The following EML5 variants were observed in gnomAD, a reference collection of about 807,000 sequenced individuals.
The protein encoded by EML5 is echinoderm microtubule-associated protein-like 5.
A neutral mutation model predicts 250.0 loss-of-function variants in EML5; 120 were observed. That is an observed-to-expected ratio of 0.48 (90% CI 0.41 to 0.56). EML5 has a LOEUF of 0.56. EML5 is among the 20% of genes least tolerant of loss of function. EML5 has a pLI of 0.00. For synonymous variants in EML5, 771 were observed against 806.5 expected, an observed-to-expected ratio of 0.96 and a Z score of 0.75; for missense variants, 2,006 against 2,437.6, an observed-to-expected ratio of 0.82 and a Z score of 3.73.
At chr14:88,652,364 C>T (rs1283940656) in intron 27 of EML5, among the ~76,000 whole-genome samples, 1 of 152,132 alleles carries the variant, frequency 6.6e-6, no homozygotes, top group Non-Finnish European at 1.5e-5. Flanking sequence ...ACGCGGGGGT[C>T]AGTCAATTTA....
rs903749087 is a variant in EML5 at position 88,638,716 on chromosome 14, A to G, written c.4336+93T>C. 7 of 1,058,556 alleles carry G rather than the reference A, an allele frequency of 6.6e-6. No individual in the cohort carries two copies. The African/African-American group carries it at 9.7e-5, about 15-fold the overall frequency. 65.6% of individuals were successfully genotyped at this position (1,058,556 alleles called of 1,614,324 possible). A position where few individuals can be genotyped will look rare whatever the true frequency, so the allele number is the denominator to read the frequency against. Reference sequence around the variant, plus strand: ...TACATAGATTTTGAACAATCGATAAATCAATAAAATTTTGATTTTTTCCTT... The same window carrying G: ...TACATAGATTTTGAACAATCGATAAGTCAATAAAATTTTGATTTTTTCCTT... On this transcript the variant is annotated intron_variant, in intron 32 of 43. Transcript: ENST00000554922.
At chr14:88,661,570 A>G in intron 25 of EML5, 84 bp downstream of exon 25, 4 of 1,212,648 alleles carry the variant, frequency 3.3e-6, no homozygotes, top group South Asian at 1.6e-5. Flanking sequence ...TGTACAATTA[A>G]TAACAATGAA....
chr14:88,755,530 G>C (rs1029529145), intron 1 of EML5, among the ~76,000 whole-genome samples: 1 of 152,122 alleles, frequency 6.6e-6, no homozygotes, highest in Non-Finnish European at 1.5e-5. Context: ...CTAGCAGTTG[G>C]TAATAGTTTA....
chr14:88,649,385 T>C (rs991409915), intron 28 of EML5, among the ~76,000 whole-genome samples: 1 of 152,146 alleles, frequency 6.6e-6, no homozygotes, highest in East Asian at 1.9e-4. Flanking sequence ...TAAAACAGAC[T>C]AGCCATTTCC....
intron 10 of EML5, among the ~76,000 whole-genome samples, chr14:88,708,381 T>C (rs2093352404): frequency 6.6e-6 from 1 of 152,160 alleles, no homozygotes; most frequent in South Asian, 2.1e-4. Context: ...TATTTACTTG[T>C]TAACTCCTCC....
chr14:88,755,944 A>C (rs2094153124), intron 1 of EML5, among the ~76,000 whole-genome samples: 1 of 152,188 alleles, frequency 6.6e-6, no homozygotes, highest in Non-Finnish European at 1.5e-5. Flanking sequence ...GGAACCCAGG[A>C]GTTCAAGGCT....
intron 15 of EML5, 46 bp downstream of exon 15, chr14:88,696,801 G>C: frequency 1.5e-6 from 2 of 1,338,214 alleles, no homozygotes; most frequent in Non-Finnish European, 2.1e-6. Context: ...GCTATGTGTT[G>C]CCTCTGCATT....
At chr14:88,712,570 A>G in intron 9 of EML5, 87 bp from the exon 10 acceptor site, 1 of 1,043,414 alleles carries the variant, frequency 9.6e-7, no homozygotes, top group Non-Finnish European at 1.4e-6. Context: ...AGTAAATTCC[A>G]AAATTTAATG....
chr14:88,635,689 C>T (rs1325612542), intron 32 of EML5, among the ~76,000 whole-genome samples: 1 of 152,100 alleles, frequency 6.6e-6, no homozygotes, highest in Non-Finnish European at 1.5e-5. Flanking sequence ...CTCTTCCATC[C>T]CACACCACAA....
chr14:88,677,586 G>T (rs746074720), intron 21 of EML5, among the ~76,000 whole-genome samples: 1 of 152,116 alleles, frequency 6.6e-6, no homozygotes, highest in Non-Finnish European at 1.5e-5. Context: ...GAATCTACAA[G>T]GAACTTAAAC....
At chr14:88,783,090 G>GA (rs988411346) in intron 1 of EML5, among the ~76,000 whole-genome samples, 12 of 150,376 alleles carry the variant, frequency 8.0e-5, no homozygotes, top group Non-Finnish European at 1.3e-4. Flanking sequence ...CAAAAAAAAA[G>GA]AAAAAAAAAG....
In EML5 at chr14:88,792,194, C is replaced by G; in HGVS notation, c.197+113G>C. On this transcript the variant is annotated intron_variant, in intron 1 of 43. Transcript: ENST00000554922. The surrounding 1 kb of genome is among the most constrained non-coding windows in gnomAD (Gnocchi z 6.9). ...GGGACCAGAGAGACAGCTGCGGATT[C>G]CCCTCGGGGTGATGCTCCGTGCAGG... 5 of 1,284,726 alleles carry G rather than the reference C, an allele frequency of 3.9e-6. No homozygotes were observed. Among genetic ancestry groups the G allele is most frequent in the Non-Finnish European group, 5.3e-6 (5 of 947,966 alleles). The allele number at this position is 1,284,726 out of a possible 1,614,324, so 79.6% of individuals were successfully genotyped here.
chr14:88,745,593 T>A (rs1430375807), intron 3 of EML5, among the ~76,000 whole-genome samples: 2 of 152,158 alleles, frequency 1.3e-5, no homozygotes, highest in African/African-American at 4.8e-5. Flanking sequence ...TTAACCATAA[T>A]ACATATGTAA....
At position 88,662,339 on chromosome 14, in the gene EML5, G is replaced by GTTTTTTTT. The variant is rs71127000; in HGVS notation, c.3499-517_3499-510dup. Among the ~76,000 whole-genome samples, 79 of 55,640 alleles carry GTTTTTTTT rather than the reference G, an allele frequency of 1.4e-3. 7 individuals carry two copies. Among genetic ancestry groups the GTTTTTTTT allele is most frequent in the African/African-American group, 4.7e-3 (74 of 15,650 alleles). 36.5% of individuals were successfully genotyped at this position (55,640 alleles called of 152,430 possible). A position where few individuals can be genotyped will look rare whatever the true frequency, so the allele number is the denominator to read the frequency against. ...CACAAAATGCAACACAATTTTTCTT[G>GTTTTTTTT]TTTTTTTTTTTTTTTTTTTTTTTTT... On this transcript the variant is annotated intron_variant, in intron 24 of 43. Transcript: ENST00000554922.
intron 1 of EML5, among the ~76,000 whole-genome samples, chr14:88,787,289 C>T (rs571046408): frequency 6.6e-6 from 1 of 152,302 alleles, no homozygotes; most frequent in South Asian, 2.1e-4. Context: ...GCTCATTGAG[C>T]ATCTGATTGT....
intron 1 of EML5, among the ~76,000 whole-genome samples, chr14:88,791,917 G>A (rs540985685): frequency 6.6e-6 from 1 of 152,150 alleles, no homozygotes; most frequent in East Asian, 1.9e-4. Context: ...TTAGGTAAAG[G>A]GTTTCCCCCC....
At chr14:88,638,112 G>T (rs868227889) in intron 32 of EML5, among the ~76,000 whole-genome samples, 1 of 152,114 alleles carries the variant, frequency 6.6e-6, no homozygotes, top group Non-Finnish European at 1.5e-5. Flanking sequence ...CAAACTCAAT[G>T]ATTTCAATAA....
intron 14 of EML5, 139 bp from the exon 15 acceptor site, chr14:88,697,091 T>C (rs1158666736): frequency 3.6e-6 from 2 of 554,076 alleles, no homozygotes; most frequent in African/African-American, 3.9e-5. Flanking sequence ...TAAAGCAAAC[T>C]ATATAAGTGA....
At chr14:88,642,506 C>T (rs1007107153) in intron 31 of EML5, among the ~76,000 whole-genome samples, 33 of 152,110 alleles carry the variant, frequency 2.2e-4, no homozygotes, top group African/African-American at 8.0e-4. Flanking sequence ...AATCACTCAC[C>T]CAACATGCTA....
Sources: gnomAD v4.1 joint callset for allele counts (sites outside exome capture counted in the v4.1 genomes callset) on GRCh38, gnomAD v4.1.1 for gene constraint, Gnocchi (gnomAD v3.1) non-coding constraint, MANE v1.5 for transcripts, NCBI Gene and HGNC (gene_info 2026-07-23, HGNC 2026-07-21) for gene names.